Variants in CHRM3 observed in about 807,000 individuals in gnomAD.
The protein encoded by CHRM3 is cholinergic receptor muscarinic 3.
A neutral mutation model predicts 41.8 loss-of-function variants in CHRM3; 11 were observed. The ratio of observed to expected loss-of-function variants is 0.26; its 90% CI spans 0.17 to 0.44. The LOEUF is 0.44. Among genes scored for constraint, CHRM3 ranks in the 20% least tolerant of loss-of-function variants. CHRM3 has a pLI of 1.00. For missense variants in CHRM3, 571 were observed against 745.4 expected (o/e 0.77, Z 2.72); for synonymous variants, 297 against 301.4 (o/e 0.99, Z 0.15).
intron 1 of CHRM3, among the ~76,000 whole-genome samples, chr1:239,455,350 C>A (rs1664851953): frequency 6.6e-6 from 1 of 151,610 alleles, no homozygotes; most frequent in African/African-American, 2.4e-5. Flanking sequence ...AGTGCCCAGC[C>A]TTCTACTTTT....
chr1:239,669,252 C>A (rs1343528863), intron 4 of CHRM3, among the ~76,000 whole-genome samples: 1 of 152,092 alleles, frequency 6.6e-6, no homozygotes, highest in Non-Finnish European at 1.5e-5. Flanking sequence ...ATATTCTTTC[C>A]CTTTTAAACT....
intron 2 of CHRM3, among the ~76,000 whole-genome samples, chr1:239,525,082 G>A (rs1669905087): frequency 6.6e-6 from 1 of 152,092 alleles, no homozygotes. Flanking sequence ...ATGATCCATG[G>A]CAGGGCACAG....
chr1:239,827,906 AAAT>A (rs1672582856), intron 6 of CHRM3, among the ~76,000 whole-genome samples: 1 of 152,242 alleles, frequency 6.6e-6, no homozygotes, highest in Admixed American at 6.5e-5. Flanking sequence ...TTAAATTAAA[AAAT>A]CATTATAAAG....
At chr1:239,668,772 A>C (rs965867372) in intron 4 of CHRM3, among the ~76,000 whole-genome samples, 9 of 152,172 alleles carry the variant, frequency 5.9e-5, no homozygotes, top group Non-Finnish European at 1.2e-4. Context: ...GTGTGACTGC[A>C]GAAGCTTATG....
At chr1:239,395,372 C>T (rs770086820) in intron 1 of CHRM3, among the ~76,000 whole-genome samples, 9 of 152,248 alleles carry the variant, frequency 5.9e-5, no homozygotes, top group Admixed American at 1.3e-4. Flanking sequence ...TCATCCTGTT[C>T]CCCTCCTGGG....
At chr1:239,890,130 C>T (rs779243903) in intron 6 of CHRM3, among the ~76,000 whole-genome samples, 30 of 152,070 alleles carry the variant, frequency 2.0e-4, no homozygotes, top group Non-Finnish European at 3.7e-4. Flanking sequence ...GGAGAAACCC[C>T]GTCTCTACCA....
chr1:239,558,005 A>G (rs1286121626), intron 3 of CHRM3, among the ~76,000 whole-genome samples: 1 of 152,168 alleles, frequency 6.6e-6, no homozygotes, highest in Non-Finnish European at 1.5e-5. Context: ...ATACCCACTG[A>G]TGGGATTGCT....
intron 5 of CHRM3, among the ~76,000 whole-genome samples, chr1:239,808,246 A>G (rs1670820061): frequency 1.3e-5 from 2 of 152,092 alleles, no homozygotes. Context: ...TGCAGAAAGG[A>G]ATTGCAATAC....
chr1:239,812,212 G>A (rs1170509040), intron 5 of CHRM3, among the ~76,000 whole-genome samples: 1 of 152,052 alleles, frequency 6.6e-6, no homozygotes, highest in Non-Finnish European at 1.5e-5. Flanking sequence ...GCTAATTTTT[G>A]TATTTTTTGT....
In CHRM3 at chr1:239,660,752, C is replaced by T. The variant is rs139433168; in HGVS notation, c.-249-17434C>T. Among the ~76,000 whole-genome samples the T allele has an allele frequency of 2.1e-3, 315 of 152,210 alleles. 3 individuals carry two copies. The East Asian group carries it at 0.049, about 24-fold the overall frequency. On this transcript the variant is annotated intron_variant, in intron 4 of 6. Transcript: ENST00000676153. ...ACAAAACAATTACCCAGTGTGATGG[C>T]GCATGCTTGTAATTCCACCTATTCT...
chr1:239,393,519 A>C (rs1329386565), intron 1 of CHRM3, among the ~76,000 whole-genome samples: 7 of 152,158 alleles, frequency 4.6e-5, no homozygotes, highest in African/African-American at 1.4e-4. Flanking sequence ...GGTGATGGGA[A>C]TCTGGAATGG....
intron 2 of CHRM3, among the ~76,000 whole-genome samples, chr1:239,508,878 G>A (rs1284349738): frequency 6.6e-6 from 1 of 152,118 alleles, no homozygotes; most frequent in African/African-American, 2.4e-5. Flanking sequence ...GCTGTGTATT[G>A]TGAGATGATA....
chr1:239,778,385 T>G (rs1304208111), intron 5 of CHRM3, among the ~76,000 whole-genome samples: 1 of 152,164 alleles, frequency 6.6e-6, no homozygotes, highest in Non-Finnish European at 1.5e-5. Context: ...TAAATTTACT[T>G]CTGAAATCTC....
intron 1 of CHRM3, among the ~76,000 whole-genome samples, chr1:239,471,169 T>G (rs1393270014): frequency 6.6e-6 from 1 of 152,248 alleles, no homozygotes; most frequent in Non-Finnish European, 1.5e-5. Context: ...TCACTAATTT[T>G]CTTTTGAAGA....
chr1:239,595,395 A>T (rs1664671507), intron 3 of CHRM3, among the ~76,000 whole-genome samples: 1 of 152,180 alleles, frequency 6.6e-6, no homozygotes, highest in Non-Finnish European at 1.5e-5. Context: ...AGTAACTGAA[A>T]GAAGAGTGTG....
intron 6 of CHRM3, among the ~76,000 whole-genome samples, chr1:239,856,401 T>G (rs1675122552): frequency 6.6e-6 from 1 of 152,046 alleles, no homozygotes; most frequent in Non-Finnish European, 1.5e-5. Flanking sequence ...GAAATCTGAT[T>G]GTTTAAAAGT....
chr1:239,532,987 C>A (rs1019480514), intron 2 of CHRM3, among the ~76,000 whole-genome samples: 4 of 152,068 alleles, frequency 2.6e-5, no homozygotes, highest in Admixed American at 1.3e-4. Flanking sequence ...TTAAAGCATC[C>A]TTTAATTCTC....
At chr1:239,406,467 A>C (rs1660603269) in intron 1 of CHRM3, among the ~76,000 whole-genome samples, 2 of 152,226 alleles carry the variant, frequency 1.3e-5, no homozygotes. Flanking sequence ...AAAGAAAATG[A>C]ACTATGAACC....
chr1:239,552,073 G>A (rs1170874636), intron 3 of CHRM3, among the ~76,000 whole-genome samples: 1 of 151,062 alleles, frequency 6.6e-6, no homozygotes, highest in Non-Finnish European at 1.5e-5. Context: ...AGTAACTATG[G>A]TAATACAGCA....
Sources: allele counts gnomAD v4.1 joint callset (sites outside exome capture counted in the v4.1 genomes callset), GRCh38; gene constraint gnomAD v4.1.1; transcripts MANE v1.5; gene names NCBI Gene and HGNC (gene_info 2026-07-23, HGNC 2026-07-21).